The following RABL6 variants were observed in gnomAD, a reference collection of about 807,000 sequenced individuals.
The protein encoded by RABL6 is RAB, member RAS oncogene family like 6, also known as rab-like protein 6.
In RABL6, 28 loss-of-function variants were observed where a neutral mutation model predicts 72.9. The observed-to-expected ratio is 0.38, with a 90% CI of 0.28 to 0.53. The LOEUF (loss-of-function observed/expected upper bound fraction) is 0.53. Among genes scored for constraint, RABL6 ranks in the 20% least tolerant of loss-of-function variants. The pLI, the probability that RABL6 is intolerant of heterozygous loss-of-function variation, is 0.80. For synonymous variants in RABL6, 477 were observed against 421.2 expected (o/e 1.13, Z -1.62); for missense variants, 1,029 against 1,008.4 (o/e 1.02, Z -0.28).
At chr9:136,824,869 A>T (rs533529940) in intron 2 of RABL6, among the ~76,000 whole-genome samples, 1 of 152,202 alleles carries the variant, frequency 6.6e-6, no homozygotes, top group East Asian at 1.9e-4. Context: ...CTGCCACCGC[A>T]CCCTCTTCCT....
rs925552023 is a variant in RABL6, at chr9:136,821,690, G to C, written c.131-1835G>C. 13 of 1,009,834 alleles carry C rather than the reference G, an allele frequency of 1.3e-5. No individual in the cohort carries two copies. The East Asian group carries it at 4.5e-4, about 35-fold the overall frequency. The allele number at this position is 1,009,834 out of a possible 1,614,324, so 62.6% of individuals were successfully genotyped here. Reference sequence around the variant, plus strand: ...CCGCGCTGGGGCCTGGCTCCCTCCTGGCTGCGCTGAGCGCCTGCGGCTCCG... The same window carrying C: ...CCGCGCTGGGGCCTGGCTCCCTCCTCGCTGCGCTGAGCGCCTGCGGCTCCG... On this transcript the variant is annotated intron_variant, in intron 1 of 14. Coordinates refer to ENST00000311502, the MANE Select transcript of RABL6 (RefSeq NM_024718.5).
At chr9:136,839,540 A>T in intron 12 of RABL6, 54 bp downstream of exon 12, 2 of 1,575,486 alleles carry the variant, frequency 1.3e-6, no homozygotes, top group South Asian at 2.4e-5. Context: ...GGTCCCTCCC[A>T]CAGGCCTGAT....
rs538633231 is a variant in RABL6, at chr9:136,832,794, G to A, written c.705+424G>A. ...CCAGGCGTGAGTCACCGAGGTACTC[G>A]CTGTTCACATCTCACATTTCCCTGG... On this transcript the variant is annotated intron_variant, in intron 7 of 14. Coordinates refer to ENST00000311502, the MANE Select transcript of RABL6 (RefSeq NM_024718.5). 2,341 of 328,574 alleles carry A rather than the reference G, an allele frequency of 7.1e-3. 16 individuals carry two copies. The highest frequency in any genetic ancestry group is 0.016 in the Admixed American group (369 of 22,752). 20.4% of individuals were successfully genotyped at this position (328,574 alleles called of 1,614,324 possible).
intron 1 of RABL6, chr9:136,821,440 G>A (rs1848234642): frequency 1.0e-6 from 1 of 985,448 alleles, no homozygotes; most frequent in Non-Finnish European, 1.2e-6. Context: ...CGCCGCTCAG[G>A]CCGTGGACCT....
In RABL6 at chr9:136,807,964, T is replaced by C; in HGVS notation, c.-233T>C. On this transcript the variant is annotated 5_prime_UTR_variant, in exon 1 of 15. Coordinates refer to ENST00000311502, the MANE Select transcript of RABL6 (RefSeq NM_024718.5). ...CCGGCGCCAAGATGGCGGCGCTGAC[T>C]CCTGGAGAGCGGTCGCGCCGGAGGC... 3 of 1,002,056 alleles carry C rather than the reference T, an allele frequency of 3.0e-6. No individual in the cohort carries two copies. Among genetic ancestry groups the C allele is most frequent in the South Asian group, 4.7e-5 (1 of 21,468 alleles). The allele number at this position is 1,002,056 out of a possible 1,614,324, so 62.1% of individuals were successfully genotyped here. A position where few individuals can be genotyped will look rare whatever the true frequency, so the allele number is the denominator to read the frequency against.
At chr9:136,824,070 C>T (rs1033457605) in intron 2 of RABL6, among the ~76,000 whole-genome samples, 8 of 152,166 alleles carry the variant, frequency 5.3e-5, no homozygotes, top group Admixed American at 1.3e-4. Context: ...GAGCCTTGCC[C>T]TTGTGGAAAG....
rs1302093530 is a variant in RABL6, at chr9:136,807,987, G to C, written c.-210G>C. 2.3e-5 allele frequency: 23 copies of C among 1,009,634 alleles called. No homozygotes were observed. Among genetic ancestry groups the C allele is most frequent in the Non-Finnish European group, 2.7e-5 (23 of 847,588 alleles). 62.5% of individuals were successfully genotyped at this position (1,009,634 alleles called of 1,614,324 possible). On this transcript the variant is annotated 5_prime_UTR_variant, in exon 1 of 15. Coordinates refer to ENST00000311502, the MANE Select transcript of RABL6 (RefSeq NM_024718.5). ...ACTCCTGGAGAGCGGTCGCGCCGGA[G>C]GCCGCGGGGGCCGGAGCGGAGCAGC...
intron 1 of RABL6, among the ~76,000 whole-genome samples, chr9:136,822,746 C>G (rs1272426421): frequency 2.0e-5 from 3 of 152,220 alleles, no homozygotes; most frequent in Non-Finnish European, 4.4e-5. Context: ...CCGGCACACA[C>G]GCGTTGTGCG....
intron 7 of RABL6, chr9:136,834,070 T>C: frequency 7.0e-7 from 1 of 1,434,044 alleles, no homozygotes. Context: ...CCTTTTGCTA[T>C]GGATGTGTTC....
At chr9:136,832,516 C>T (rs1432355666) in intron 7 of RABL6, 146 bp downstream of exon 7, 1 of 753,404 alleles carries the variant, frequency 1.3e-6, no homozygotes, top group African/African-American at 1.7e-5. Flanking sequence ...GCCCAGCGTT[C>T]TACTGCACCT....
intron 1 of RABL6, among the ~76,000 whole-genome samples, chr9:136,819,203 TC>T (rs1438265933): frequency 9.9e-5 from 15 of 151,668 alleles, no homozygotes; most frequent in Non-Finnish European, 5.9e-5. Context: ...GCGCCTGTAG[TC>T]CCAGCTACTC....
chr9:136,829,624 C>G (rs1462295504), intron 5 of RABL6, 140 bp downstream of exon 5: 1 of 791,378 alleles, frequency 1.3e-6, no homozygotes, highest in African/African-American at 1.7e-5. Flanking sequence ...GCTGTGGCAG[C>G]TCAGCCACAA....
At position 136,840,530 on chromosome 9, in the gene RABL6, TG is replaced by T; in HGVS notation, c.*11del. The T allele has an allele frequency of 6.9e-7, 1 of 1,459,292 alleles. No individual in the cohort carries two copies. The highest frequency in any genetic ancestry group is 9.1e-7 in the Non-Finnish European group (1 of 1,095,156). 90.4% of individuals were successfully genotyped at this position (1,459,292 alleles called of 1,614,324 possible). The stretch of plus-strand genomic sequence containing the variant: ...GACTACGAGGAGCTCTAGGCCGGCG[TG>T]GGCAGTGGCCGCCCTGGGGCGGGGG... On this transcript the variant is annotated 3_prime_UTR_variant, in exon 15 of 15. Transcript: ENST00000311502.
intron 1 of RABL6, among the ~76,000 whole-genome samples, chr9:136,818,061 CAAAA>C (rs35850059): frequency 3.8e-5 from 3 of 78,478 alleles, no homozygotes; most frequent in African/African-American, 5.7e-5. Flanking sequence ...GACTCCATCT[CAAAA>C]AAAAAAAAAA....
intron 7 of RABL6, 100 bp from the exon 8 acceptor site, chr9:136,835,642 T>G (rs1383571929): frequency 9.7e-6 from 10 of 1,035,406 alleles, no homozygotes. Flanking sequence ...CTCCTGGTTT[T>G]GGCAGCAGGA....
chr9:136,827,162 GA>G, intron 3 of RABL6: 1 of 152,396 alleles, frequency 6.6e-6, no homozygotes, highest in Non-Finnish European at 1.5e-5. Context: ...CCCTCAGGAG[GA>G]AAAGGTCCCC....
intron 5 of RABL6, among the ~76,000 whole-genome samples, chr9:136,830,315 C>T (rs2131189750): frequency 6.6e-6 from 1 of 152,370 alleles, no homozygotes; most frequent in South Asian, 2.1e-4. Flanking sequence ...CTGAGGGCGG[C>T]TTGAAGCACC....
Position 136,840,629 on chromosome 9 carries a change from G to T in RABL6, c.*107G>T. Reference sequence around the variant, plus strand: ...TTTGCCGCTGCCCCGTGGCTGCCGTGTGCGCTTCTGAGCTGGAAGAGGCCG... The same window carrying T: ...TTTGCCGCTGCCCCGTGGCTGCCGTTTGCGCTTCTGAGCTGGAAGAGGCCG... On this transcript the variant is annotated 3_prime_UTR_variant, in exon 15 of 15. Transcript: ENST00000311502. 6.5e-7 allele frequency: 1 copy of T among 1,549,712 alleles called. No individual in the cohort carries two copies. The highest frequency in any genetic ancestry group is 1.2e-5 in the South Asian group (1 of 84,032).
chr9:136,811,092 C>G (rs921751875), intron 1 of RABL6, among the ~76,000 whole-genome samples: 6 of 152,174 alleles, frequency 3.9e-5, no homozygotes, highest in Admixed American at 6.5e-5. Context: ...AAGTCAAACT[C>G]TGTCAAATAT....
Sources: allele counts gnomAD v4.1 joint callset (sites outside exome capture counted in the v4.1 genomes callset), GRCh38; gene constraint gnomAD v4.1.1; transcripts MANE v1.5; gene names NCBI Gene and HGNC (gene_info 2026-07-23, HGNC 2026-07-21).